ANO2: variants seen among roughly 807,000 people sequenced by gnomAD.
ANO2 encodes anoctamin 2, also known as anoctamin-2.
In ANO2, 101 loss-of-function variants were observed where a neutral mutation model predicts 124.2. That is an observed-to-expected ratio of 0.81 (90% CI 0.69 to 0.96). ANO2 has a LOEUF of 0.96. Ranked by LOEUF, ANO2 falls within the 40% of genes least tolerant of loss-of-function variation. The pLI is 0.00. For synonymous variants in ANO2, 486 were observed against 482.5 expected, an observed-to-expected ratio of 1.01 and a Z score of -0.09; for missense variants, 1,293 against 1,274.5, an observed-to-expected ratio of 1.01 and a Z score of -0.22.
intron 3 of ANO2, among the ~76,000 whole-genome samples, chr12:5,889,174 A>G (rs1435442760): frequency 6.6e-6 from 1 of 152,156 alleles, no homozygotes; most frequent in Non-Finnish European, 1.5e-5. Flanking sequence ...GCCCACCCAG[A>G]ACTCGCGCTG....
At chr12:5,647,689 C>T in intron 15 of ANO2, 38 bp downstream of exon 15, 1 of 1,449,834 alleles carries the variant, frequency 6.9e-7, no homozygotes, top group Non-Finnish European at 9.6e-7. Flanking sequence ...CATCTACATG[C>T]ATGCAGTCAC....
Position 5,636,605 on chromosome 12 carries a change from T to TAGAC in ANO2, c.1621-1259_1621-1258insGTCT, listed in dbSNP as rs1555111526. ...CCTGAAAAAATAAGCTGTGCTGGACTACACACACACACACACACACACACA... is the reference window on the plus strand; with the variant it reads ...CCTGAAAAAATAAGCTGTGCTGGACTAGACACACACACACACACACACACACACA... On this transcript the variant is annotated intron_variant, in intron 15 of 24. Transcript: ENST00000682330. This position sits in a 1 kb window ranked among gnomAD's most constrained non-coding sequence, Gnocchi z 4.6. Among the ~76,000 whole-genome samples the TAGAC allele has an allele frequency of 8.4e-6, 1 of 118,490 alleles. No homozygotes were observed. Among genetic ancestry groups the TAGAC allele is most frequent in the Non-Finnish European group, 1.7e-5 (1 of 58,580 alleles). The allele number at this position is 118,490 out of a possible 152,430, so 77.7% of individuals were successfully genotyped here. A position where few individuals can be genotyped will look rare whatever the true frequency, so the allele number is the denominator to read the frequency against.
chr12:5,579,543 G>C (rs1420865484), intron 20 of ANO2, among the ~76,000 whole-genome samples: 1 of 152,130 alleles, frequency 6.6e-6, no homozygotes, highest in Non-Finnish European at 1.5e-5. Flanking sequence ...CTGGACCATT[G>C]CAACAGCCTC....
At chr12:5,919,912 T>C (rs372706517) in intron 3 of ANO2, among the ~76,000 whole-genome samples, 6 of 152,074 alleles carry the variant, frequency 3.9e-5, no homozygotes, top group East Asian at 1.9e-4. Flanking sequence ...TTAGCCAGAA[T>C]GATCTCGATC....
intron 14 of ANO2, among the ~76,000 whole-genome samples, chr12:5,702,043 ATAGAAT>A (rs1949424477): frequency 6.6e-6 from 1 of 152,254 alleles, no homozygotes; most frequent in Non-Finnish European, 1.5e-5. Flanking sequence ...TAAAAAAATA[ATAGAAT>A]TGGAGGTTAA....
chr12:5,813,020 G>GA (rs1565689097), intron 7 of ANO2, among the ~76,000 whole-genome samples: 2 of 138,032 alleles, frequency 1.4e-5, no homozygotes, highest in African/African-American at 2.7e-5. Context: ...GAGAGAGAAA[G>GA]AAAAAAAGAA....
intron 11 of ANO2, among the ~76,000 whole-genome samples, chr12:5,745,675 A>G (rs552131087): frequency 6.6e-5 from 10 of 152,326 alleles, no homozygotes; most frequent in Non-Finnish European, 1.2e-4. Flanking sequence ...TGAGCTACTA[A>G]GTCCACAGGA....
intron 16 of ANO2, among the ~76,000 whole-genome samples, chr12:5,633,072 T>C (rs560666928): frequency 1.4e-4 from 22 of 152,324 alleles, no homozygotes; most frequent in African/African-American, 5.1e-4. Flanking sequence ...GTTTCCTCCA[T>C]GCGGTGGGAG....
intron 14 of ANO2, among the ~76,000 whole-genome samples, chr12:5,704,344 A>G (rs1320646901): frequency 6.6e-6 from 1 of 152,176 alleles, no homozygotes; most frequent in Non-Finnish European, 1.5e-5. Flanking sequence ...TCACAGCTCA[A>G]CAGGTCACAT....
intron 3 of ANO2, among the ~76,000 whole-genome samples, chr12:5,866,709 G>A (rs1298759831): frequency 6.6e-6 from 1 of 152,236 alleles, no homozygotes; most frequent in East Asian, 1.9e-4. Context: ...TGGAGCCTGG[G>A]GATCCAGGGG....
chr12:5,909,223 A>G (rs1417227943), intron 3 of ANO2, among the ~76,000 whole-genome samples: 2 of 152,208 alleles, frequency 1.3e-5, no homozygotes, highest in Non-Finnish European at 2.9e-5. Flanking sequence ...GCTCCCATTA[A>G]TATTCTCTCA....
intron 10 of ANO2, among the ~76,000 whole-genome samples, chr12:5,776,772 G>A (rs1173891011): frequency 2.6e-5 from 4 of 152,214 alleles, no homozygotes; most frequent in African/African-American, 9.6e-5. Flanking sequence ...GGGTCTCACT[G>A]ACTTCTTCTC....
chr12:5,876,989 C>T (rs1938148138), intron 3 of ANO2, among the ~76,000 whole-genome samples: 2 of 152,116 alleles, frequency 1.3e-5, no homozygotes, highest in African/African-American at 2.4e-5. Context: ...TTAAAAAAGA[C>T]AGTAAATAAA....
chr12:5,578,711 T>C (rs185976585), intron 20 of ANO2, among the ~76,000 whole-genome samples, 193 bp from the exon 21 acceptor site: 1 of 152,342 alleles, frequency 6.6e-6, no homozygotes, highest in East Asian at 1.9e-4. Flanking sequence ...TGTTGGTCAA[T>C]GCCATCACTT....
intron 19 of ANO2, among the ~76,000 whole-genome samples, chr12:5,604,851 C>T (rs1304575813): frequency 4.6e-5 from 7 of 151,946 alleles, no homozygotes; most frequent in Admixed American, 4.6e-4. Context: ...CGATTCCGAC[C>T]GTATGATGCA....
chr12:5,817,839 TATAGAGAAA>T (rs1359078333), intron 7 of ANO2, among the ~76,000 whole-genome samples: 1 of 152,050 alleles, frequency 6.6e-6, no homozygotes, highest in Non-Finnish European at 1.5e-5. Flanking sequence ...AAGTCATCTA[TATAGAGAAA>T]ATAGAGAGTG....
At chr12:5,815,566 G>T (rs935838170) in intron 7 of ANO2, among the ~76,000 whole-genome samples, 1 of 152,112 alleles carries the variant, frequency 6.6e-6, no homozygotes, top group African/African-American at 2.4e-5. Context: ...ACTTTAGAAA[G>T]ATTTCTGTAC....
intron 10 of ANO2, among the ~76,000 whole-genome samples, chr12:5,776,241 C>T (rs1952229096): frequency 6.6e-6 from 1 of 152,204 alleles, no homozygotes; most frequent in Admixed American, 6.5e-5. Context: ...ATCTTCCCAA[C>T]CACTCTTTGT....
intron 14 of ANO2, among the ~76,000 whole-genome samples, chr12:5,678,033 G>C (rs1362723497): frequency 6.6e-6 from 1 of 152,150 alleles, no homozygotes; most frequent in African/African-American, 2.4e-5. Flanking sequence ...GGAAGAGTGA[G>C]AATGAGGGCA....
Sources: allele counts gnomAD v4.1 joint callset (sites outside exome capture counted in the v4.1 genomes callset), GRCh38; gene constraint gnomAD v4.1.1; non-coding constraint Gnocchi (gnomAD v3.1); transcripts MANE v1.5; gene names NCBI Gene and HGNC (gene_info 2026-07-23, HGNC 2026-07-21).